PRKG1: variants seen among roughly 807,000 people sequenced by gnomAD.
The protein encoded by PRKG1 is cGMP-dependent protein kinase 1.
PRKG1 carries 35 observed loss-of-function variants against 88.1 expected under a neutral mutation model. That is an observed-to-expected ratio of 0.40 (90% confidence interval 0.30 to 0.53). The LOEUF is 0.53. Ranked by LOEUF, PRKG1 falls within the 20% of genes least tolerant of loss-of-function variation. PRKG1 has a pLI of 0.59. For missense variants in PRKG1, 540 were observed against 839.8 expected, an observed-to-expected ratio of 0.64 and a Z score of 4.41; for synonymous variants, 303 against 292.5, an observed-to-expected ratio of 1.04 and a Z score of -0.37.
At chr10:51,878,992 A>T (rs1052060016) in intron 4 of PRKG1, among the ~76,000 whole-genome samples, 15 of 152,186 alleles carry the variant, frequency 9.9e-5, no homozygotes, top group African/African-American at 2.9e-4. Flanking sequence ...AGCATTACTG[A>T]CCTATCTATA....
intron 4 of PRKG1, among the ~76,000 whole-genome samples, chr10:51,856,111 C>A (rs1840672382): frequency 1.3e-5 from 2 of 152,102 alleles, no homozygotes; most frequent in Admixed American, 6.5e-5. Context: ...GCCCCATTGA[C>A]CCATAAGGAC....
chr10:51,020,082 T>C lies in PRKG1; in HGVS notation c.266+28438T>C, dbSNP rs367802714. ...AAAATGGAACAGCCGCTAAGGAAAA[T>C]AGTATGATGGTTTCTCAAAAAATTA... On this transcript the variant is annotated intron_variant, in intron 1 of 17. Coordinates refer to the PRKG1 transcript ENST00000401604. 4.1e-4 allele frequency among the ~76,000 whole-genome samples: 63 copies of C among 152,268 alleles called. 2 individuals are homozygous for C. The South Asian group carries it at 0.012, about 29-fold the overall frequency.
At chr10:51,600,404 T>A (rs759661030) in intron 3 of PRKG1, among the ~76,000 whole-genome samples, 2 of 152,184 alleles carry the variant, frequency 1.3e-5, no homozygotes, top group Non-Finnish European at 2.9e-5. Flanking sequence ...GTTGGGATAC[T>A]TTTCTTCTAT....
intron 9 of PRKG1, among the ~76,000 whole-genome samples, chr10:52,213,569 G>A (rs1840036645): frequency 6.6e-6 from 1 of 152,130 alleles, no homozygotes; most frequent in South Asian, 2.1e-4. Context: ...GCTCATTAGG[G>A]AAAAAAGAGC....
At chr10:51,784,646 G>A (rs1838682842) in intron 3 of PRKG1, among the ~76,000 whole-genome samples, 1 of 152,076 alleles carries the variant, frequency 6.6e-6, no homozygotes, top group South Asian at 2.1e-4. Flanking sequence ...AACTGTGACT[G>A]TATCTACTTC....
At chr10:52,239,569 G>A (rs1313911783) in intron 9 of PRKG1, among the ~76,000 whole-genome samples, 1 of 128,658 alleles carries the variant, frequency 7.8e-6, no homozygotes, top group Admixed American at 8.1e-5. Context: ...AGGCCTGAAT[G>A]CCCCCTCCCA....
chr10:51,306,925 T>C (rs1841053694), intron 2 of PRKG1, among the ~76,000 whole-genome samples: 1 of 151,940 alleles, frequency 6.6e-6, no homozygotes, highest in Non-Finnish European at 1.5e-5. Context: ...AGTCATGGAG[T>C]CTAATGGCTC....
intron 4 of PRKG1, among the ~76,000 whole-genome samples, chr10:51,879,134 A>G (rs565669097): frequency 6.2e-4 from 84 of 135,746 alleles, no homozygotes; most frequent in African/African-American, 2.2e-3. Context: ...GTAAATATCA[A>G]TTTGTTTTTG....
At chr10:52,154,873 A>T (rs1369795337) in intron 8 of PRKG1, among the ~76,000 whole-genome samples, 1 of 152,036 alleles carries the variant, frequency 6.6e-6, no homozygotes, top group Non-Finnish European at 1.5e-5. Context: ...TTAGCTCCCA[A>T]CTATAAGTGA....
Position 51,469,619 on chromosome 10 carries a change from CT to C in PRKG1, c.592+1784del, listed in dbSNP as rs530861554. On this transcript the variant is annotated intron_variant, in intron 3 of 17. Transcript: ENST00000373980. ...GCAAATTTAAATAGACACTGTGAAT[CT>C]AATTCAACAAGAAGAAACTAGATGT... Among the ~76,000 whole-genome samples, 274 of 151,928 alleles carry C rather than the reference CT, an allele frequency of 1.8e-3. 1 individual carries two copies. Among genetic ancestry groups the C allele is most frequent in the African/African-American group, 6.3e-3 (261 of 41,488 alleles).
At chr10:51,161,632 A>T (rs949798677) in intron 2 of PRKG1, among the ~76,000 whole-genome samples, 1 of 152,202 alleles carries the variant, frequency 6.6e-6, no homozygotes, top group South Asian at 2.1e-4. Flanking sequence ...CAAAAAATCA[A>T]TGTGACATTA....
intron 3 of PRKG1, among the ~76,000 whole-genome samples, chr10:51,522,571 C>A (rs1841762085): frequency 6.6e-6 from 1 of 152,092 alleles, no homozygotes; most frequent in Non-Finnish European, 1.5e-5. Context: ...CAAATACTTC[C>A]TTCTTAAATG....
intron 12 of PRKG1, among the ~76,000 whole-genome samples, chr10:52,276,923 G>A (rs1275505941): frequency 1.3e-5 from 2 of 152,158 alleles, no homozygotes; most frequent in African/African-American, 4.8e-5. Context: ...AAACATTTGT[G>A]TGCATGCATT....
intron 9 of PRKG1, among the ~76,000 whole-genome samples, chr10:52,167,486 T>C (rs10824189): frequency 0.074 from 11,198 of 152,162 alleles, 434 homozygotes; most frequent in South Asian, 0.1. Flanking sequence ...ATAATACTAT[T>C]ATATACTCTT....
chr10:51,101,933 C>A (rs989519473), intron 1 of PRKG1, among the ~76,000 whole-genome samples: 1 of 152,202 alleles, frequency 6.6e-6, no homozygotes, highest in African/African-American at 2.4e-5. Flanking sequence ...AGATCCCCTC[C>A]CTGGCTTTGA....
At chr10:51,528,949 G>C (rs890234009) in intron 3 of PRKG1, among the ~76,000 whole-genome samples, 6 of 152,196 alleles carry the variant, frequency 3.9e-5, no homozygotes, top group African/African-American at 1.4e-4. Context: ...AAAGTTCTGA[G>C]AGTGTTTCTC....
At position 51,416,913 on chromosome 10, in the gene PRKG1, G is replaced by A. The variant is rs557089311; in HGVS notation, c.479-50810G>A. Among the ~76,000 whole-genome samples the A allele has an allele frequency of 9.9e-4, 151 of 152,216 alleles. 3 individuals carry two copies. The Middle Eastern group carries it at 0.034, about 34-fold the overall frequency. The stretch of plus-strand genomic sequence containing the variant: ...TAAAAACATATTGTTAGCAAATTCC[G>A]AAAAGATAGTTCTATTTATCAGATT... On this transcript the variant is annotated intron_variant, in intron 2 of 17. Transcript: ENST00000373980.
intron 5 of PRKG1, among the ~76,000 whole-genome samples, chr10:51,971,819 A>G (rs2133091772): frequency 6.6e-6 from 1 of 152,258 alleles, no homozygotes; most frequent in South Asian, 2.1e-4. Context: ...TTGAGTGTTC[A>G]GCCTTGAAAA....
chr10:51,238,553 G>C (rs1040652022), intron 2 of PRKG1, among the ~76,000 whole-genome samples: 22 of 151,806 alleles, frequency 1.4e-4, no homozygotes, highest in Non-Finnish European at 2.8e-4. Context: ...CTGCACTCCA[G>C]CCTTGGCAAC....
Sources: gnomAD v4.1 joint callset for allele counts (sites outside exome capture counted in the v4.1 genomes callset) on GRCh38, gnomAD v4.1.1 for gene constraint, MANE v1.5 for transcripts, NCBI Gene and HGNC (gene_info 2026-07-23, HGNC 2026-07-21) for gene names.